CCDC7: variants seen among roughly 807,000 people sequenced by gnomAD.
CCDC7 encodes coiled-coil domain containing 7, also known as coiled-coil domain-containing protein 7.
A neutral mutation model predicts 196.9 loss-of-function variants in CCDC7; 183 were observed. The ratio of observed to expected loss-of-function variants is 0.93; its 90% CI spans 0.82 to 1.05. The LOEUF is 1.05. CCDC7 is among the 50% of genes least tolerant of loss of function. The probability of loss-of-function intolerance (pLI) is 0.00; values close to 1 mark genes in which losing one functional copy is unlikely to be tolerated. For missense variants in CCDC7, 1,540 were observed against 1,482.2 expected, an observed-to-expected ratio of 1.04 and a Z score of -0.64; for synonymous variants, 525 against 484.6, an observed-to-expected ratio of 1.08 and a Z score of -1.10.
At chr10:32,722,813 G>T (rs1278898560) in intron 25 of CCDC7, among the ~76,000 whole-genome samples, 1 of 151,954 alleles carries the variant, frequency 6.6e-6, no homozygotes, top group Non-Finnish European at 1.5e-5. Flanking sequence ...ATAGTGTTAG[G>T]GATTATGGAG....
At chr10:32,458,075 T>TAAA (rs2034757314) in intron 3 of CCDC7, among the ~76,000 whole-genome samples, 1 of 152,182 alleles carries the variant, frequency 6.6e-6, no homozygotes, top group Non-Finnish European at 1.5e-5. Flanking sequence ...CCTATGCTTT[T>TAAA]GAGGTCCTAT....
At chr10:32,670,826 C>G (rs1426485870) in intron 21 of CCDC7, among the ~76,000 whole-genome samples, 10 of 151,562 alleles carry the variant, frequency 6.6e-5, no homozygotes. Flanking sequence ...CTTCCATGAG[C>G]TTTATTATTT....
At chr10:32,653,427 A>T (rs779257145) in intron 20 of CCDC7, among the ~76,000 whole-genome samples, 7 of 152,102 alleles carry the variant, frequency 4.6e-5, no homozygotes, top group Non-Finnish European at 1.0e-4. Flanking sequence ...ACACTGTGCC[A>T]CTTCGGTTTG....
intron 7 of CCDC7, 106 bp from the exon 9 acceptor site, chr10:32,473,861 C>CT: frequency 5.5e-6 from 6 of 1,083,002 alleles, no homozygotes; most frequent in Non-Finnish European, 7.5e-6. Context: ...TCAAAGTTTT[C>CT]TTTCTTCTGA....
intron 24 of CCDC7, among the ~76,000 whole-genome samples, chr10:32,708,656 C>T (rs974282605): frequency 7.9e-5 from 12 of 152,122 alleles, no homozygotes; most frequent in African/African-American, 2.7e-4. Context: ...AAAAAGTGGG[C>T]GAAGCATATG....
At chr10:32,720,583 A>G (rs1013807246) in intron 25 of CCDC7, among the ~76,000 whole-genome samples, 3 of 152,144 alleles carry the variant, frequency 2.0e-5, no homozygotes, top group African/African-American at 7.2e-5. Context: ...TATAATTTAA[A>G]AAAGACAACT....
chr10:32,518,292 T>C (rs1484151740), intron 10 of CCDC7, 124 bp from the exon 12 acceptor site: 16 of 1,067,982 alleles, frequency 1.5e-5, no homozygotes, highest in Non-Finnish European at 1.9e-5. Context: ...TACAGACTGA[T>C]ATCAATGTTT....
chr10:32,589,103 A>G (rs985849656), intron 18 of CCDC7, among the ~76,000 whole-genome samples: 1 of 152,056 alleles, frequency 6.6e-6, no homozygotes, highest in Non-Finnish European at 1.5e-5. Context: ...ACTAGATCTT[A>G]TTCATTCTTT....
intron 20 of CCDC7, among the ~76,000 whole-genome samples, chr10:32,650,269 T>C (rs1406397919): frequency 6.6e-6 from 1 of 152,192 alleles, no homozygotes; most frequent in Admixed American, 6.5e-5. Flanking sequence ...GTGGGGATAA[T>C]TATTAAAGTG....
At chr10:32,622,478 T>C (rs1210016474) in intron 18 of CCDC7, among the ~76,000 whole-genome samples, 1 of 151,950 alleles carries the variant, frequency 6.6e-6, no homozygotes, top group African/African-American at 2.4e-5. Context: ...ATAACTGCAG[T>C]GATAGTAAAG....
chr10:32,720,055 C>T (rs1229942386), intron 25 of CCDC7, among the ~76,000 whole-genome samples: 10 of 151,826 alleles, frequency 6.6e-5, no homozygotes, highest in Non-Finnish European at 7.4e-5. Flanking sequence ...TATACCCAAA[C>T]GATTATAAAT....
intron 41 of CCDC7, among the ~76,000 whole-genome samples, chr10:32,869,652 T>A (rs1356733779): frequency 6.6e-6 from 1 of 152,226 alleles, no homozygotes; most frequent in Non-Finnish European, 1.5e-5. Context: ...GTCTATGTCC[T>A]GAATGGTATT....
chr10:32,491,988 T>C, exon 9 of CCDC7: 2 of 1,570,678 alleles, frequency 1.3e-6, no homozygotes, highest in Non-Finnish European at 1.7e-6. Context: ...CAGGCAAATA[T>C]GTTGGAGAGG....
At position 32,726,677 on chromosome 10, in the gene CCDC7, G is replaced by C. The variant is rs912917256; in HGVS notation, c.2570-57G>C. 5.2e-6 allele frequency: 5 copies of C among 961,228 alleles called. No individual in the cohort carries two copies. In the East Asian group the frequency reaches 1.3e-4, roughly 24 times the overall value. 59.5% of individuals were successfully genotyped at this position (961,228 alleles called of 1,614,324 possible). ...CTTCAAATATAGAGATTTCACAATA[G>C]ATTTGTTTTTTCATTTAGCGGACTA... On this transcript the variant is annotated intron_variant, in intron 25 of 41. Transcript: ENST00000639629.
intron 18 of CCDC7, among the ~76,000 whole-genome samples, chr10:32,632,151 G>C (rs867460376): frequency 4.2e-4 from 38 of 89,892 alleles, no homozygotes; most frequent in Middle Eastern, 8.1e-3. Flanking sequence ...GGGGGGGGGG[G>C]GTCTAATTTC....
intron 16 of CCDC7, among the ~76,000 whole-genome samples, chr10:32,580,417 A>G (rs919077756): frequency 2.0e-5 from 3 of 151,904 alleles, no homozygotes; most frequent in African/African-American, 7.3e-5. Context: ...CTTTCTTTTC[A>G]GTTGAGGAGC....
intron 3 of CCDC7, among the ~76,000 whole-genome samples, chr10:32,459,894 C>A (rs951571123): frequency 5.9e-5 from 9 of 152,060 alleles, no homozygotes; most frequent in African/African-American, 2.2e-4. Context: ...CCTGGATGAA[C>A]TGATGAAATT....
At chr10:32,616,890 C>A (rs1284703986) in intron 18 of CCDC7, among the ~76,000 whole-genome samples, 2 of 151,678 alleles carry the variant, frequency 1.3e-5, no homozygotes, top group African/African-American at 4.8e-5. Flanking sequence ...TTATGGAATG[C>A]TTTTTCTGTG....
intron 30 of CCDC7, 65 bp downstream of exon 31, chr10:32,805,163 A>T: frequency 8.8e-7 from 1 of 1,135,094 alleles, no homozygotes; most frequent in Non-Finnish European, 1.3e-6. Flanking sequence ...TTAAGTGTGT[A>T]TCCTTAATAG....
Sources: gnomAD v4.1 joint callset for allele counts (sites outside exome capture counted in the v4.1 genomes callset) on GRCh38, gnomAD v4.1.1 for gene constraint, MANE v1.5 for transcripts, NCBI Gene and HGNC (gene_info 2026-07-23, HGNC 2026-07-21) for gene names.